Variants in ASIC2 observed in about 807,000 individuals in gnomAD.
The protein encoded by ASIC2 is acid sensing ion channel subunit 2.
Under a neutral mutation model 57.3 loss-of-function variants are expected in ASIC2, and 25 were observed. The observed-to-expected ratio is 0.44, with a 90% confidence interval of 0.32 to 0.61. The LOEUF is 0.61. ASIC2 is among the 20% of genes least tolerant of loss of function. The pLI, the probability that ASIC2 is intolerant of heterozygous loss-of-function variation, is 0.06. For synonymous variants in ASIC2, 319 were observed against 307.5 expected, an observed-to-expected ratio of 1.04 and a Z score of -0.39; for missense variants, 641 against 738.1, an observed-to-expected ratio of 0.87 and a Z score of 1.52.
chr17:33,626,294 T>G (rs565753078), intron 1 of ASIC2, among the ~76,000 whole-genome samples: 20 of 152,250 alleles, frequency 1.3e-4, no homozygotes, highest in Non-Finnish European at 1.2e-4. Flanking sequence ...CCTTTTTCCT[T>G]TAAGCCATGG....
At chr17:33,883,513 G>A (rs1305834545) in intron 1 of ASIC2, among the ~76,000 whole-genome samples, 1 of 152,166 alleles carries the variant, frequency 6.6e-6, no homozygotes, top group East Asian at 1.9e-4. Context: ...CCTTTCCACA[G>A]GCTGCCCCTA....
At chr17:33,922,167 G>T (rs1264360648) in intron 1 of ASIC2, among the ~76,000 whole-genome samples, 1 of 152,112 alleles carries the variant, frequency 6.6e-6, no homozygotes, top group African/African-American at 2.4e-5. Flanking sequence ...ATTATGACTT[G>T]GTGATTAAGA....
chr17:33,584,693 G>C (rs896664157), intron 1 of ASIC2, among the ~76,000 whole-genome samples: 27 of 39,802 alleles, frequency 6.8e-4, no homozygotes, highest in African/African-American at 3.9e-3. Flanking sequence ...TCAGATCTTG[G>C]GGTGGGGTTT....
At chr17:34,040,338 C>T (rs1291706270) in intron 1 of ASIC2, among the ~76,000 whole-genome samples, 2 of 143,868 alleles carry the variant, frequency 1.4e-5, no homozygotes, top group Admixed American at 7.0e-5. Context: ...TAGTAGTGAT[C>T]GGTGTAAACA....
rs538388421 is a variant in ASIC2 at position 33,644,299 on chromosome 17, G to A, written c.555+511679C>T. 3.9e-5 allele frequency among the ~76,000 whole-genome samples: 6 copies of A among 152,186 alleles called. No homozygotes were observed. In the East Asian group the frequency reaches 9.7e-4, roughly 24 times the overall value. ...GTGTCCTCCCTCATTGATTATGATGGGCTGTTGACTATTTGAACCTGGTAC... is the reference window on the plus strand; with the variant it reads ...GTGTCCTCCCTCATTGATTATGATGAGCTGTTGACTATTTGAACCTGGTAC... On this transcript the variant is annotated intron_variant, in intron 1 of 9. Coordinates refer to the ASIC2 transcript ENST00000359872.
chr17:34,098,316 CTT>C (rs1336004634), intron 1 of ASIC2, among the ~76,000 whole-genome samples: 2 of 152,156 alleles, frequency 1.3e-5, no homozygotes, highest in Non-Finnish European at 2.9e-5. Flanking sequence ...AAAAAGGAAA[CTT>C]GATGACATCA....
intron 1 of ASIC2, among the ~76,000 whole-genome samples, chr17:33,653,280 G>C (rs941557713): frequency 6.6e-6 from 1 of 152,132 alleles, no homozygotes; most frequent in Admixed American, 6.5e-5. Context: ...AATCAGTGAG[G>C]CCTCCCTAAC....
intron 1 of ASIC2, among the ~76,000 whole-genome samples, chr17:33,163,125 C>T (rs181146144): frequency 5.1e-4 from 78 of 152,194 alleles, no homozygotes; most frequent in Middle Eastern, 3.4e-3. Flanking sequence ...AAGGGGACCA[C>T]TGGATAGACT....
At chr17:33,117,391 G>A (rs963293480) in intron 1 of ASIC2, among the ~76,000 whole-genome samples, 3 of 151,976 alleles carry the variant, frequency 2.0e-5, no homozygotes, top group African/African-American at 7.3e-5. Flanking sequence ...GGCCAGGCTG[G>A]TCTCAAACTC....
Position 33,241,224 on chromosome 17 carries a change from T to C in ASIC2, c.708+50184A>G, listed in dbSNP as rs563401960. ...GTTTTATGAATGGGTTAACTGAGTATTGGGTACTTTATTAAGACTTACAGG... is the reference window on the plus strand; with the variant it reads ...GTTTTATGAATGGGTTAACTGAGTACTGGGTACTTTATTAAGACTTACAGG... On this transcript the variant is annotated intron_variant, in intron 1 of 9. Transcript: ENST00000225823. Among the ~76,000 whole-genome samples the C allele has an allele frequency of 2.6e-5, 4 of 152,314 alleles. No individual in the cohort carries two copies. The South Asian group carries it at 8.3e-4, about 32-fold the overall frequency.
chr17:34,083,486 T>C (rs1477358930), intron 1 of ASIC2, among the ~76,000 whole-genome samples: 1 of 151,786 alleles, frequency 6.6e-6, no homozygotes, highest in East Asian at 1.9e-4. Flanking sequence ...TAAACATACG[T>C]GTGCATGTGT....
At chr17:34,035,974 A>G (rs11658853) in intron 1 of ASIC2, among the ~76,000 whole-genome samples, 18,276 of 149,414 alleles carry the variant, frequency 0.12, 1,214 homozygotes, top group Admixed American at 0.18. Flanking sequence ...AGTCAGTGTC[A>G]CGATTCCTCA....
chr17:33,707,702 T>G (rs1429261200), intron 1 of ASIC2, among the ~76,000 whole-genome samples: 1 of 152,240 alleles, frequency 6.6e-6, no homozygotes, highest in Non-Finnish European at 1.5e-5. Flanking sequence ...TTTACTCTGT[T>G]TATCTGCCTT....
chr17:33,281,550 T>G (rs1186203120), intron 1 of ASIC2, among the ~76,000 whole-genome samples: 1 of 152,148 alleles, frequency 6.6e-6, no homozygotes, highest in African/African-American at 2.4e-5. Context: ...TTTTAAGTTT[T>G]GAAACAGCCC....
chr17:34,020,560 T>C (rs1369773336), intron 1 of ASIC2, among the ~76,000 whole-genome samples: 1 of 152,200 alleles, frequency 6.6e-6, no homozygotes, highest in Non-Finnish European at 1.5e-5. Flanking sequence ...GTTAGAGAGA[T>C]TTGAGTGATA....
intron 1 of ASIC2, among the ~76,000 whole-genome samples, chr17:33,248,935 G>A (rs762343895): frequency 2.6e-5 from 4 of 152,124 alleles, no homozygotes; most frequent in Non-Finnish European, 5.9e-5. Context: ...GGTATTTTTG[G>A]GGTCCATGAC....
intron 1 of ASIC2, among the ~76,000 whole-genome samples, chr17:33,401,541 C>A (rs1210567073): frequency 6.6e-6 from 1 of 152,188 alleles, no homozygotes; most frequent in African/African-American, 2.4e-5. Flanking sequence ...TGATGGAATA[C>A]AACCTCAGCT....
chr17:33,661,624 C>T (rs1907270772), intron 1 of ASIC2, among the ~76,000 whole-genome samples: 1 of 152,170 alleles, frequency 6.6e-6, no homozygotes, highest in Non-Finnish European at 1.5e-5. Flanking sequence ...GGAAATGATA[C>T]CTGAGCTTTG....
chr17:33,470,963 A>G (rs1913031922), intron 1 of ASIC2, among the ~76,000 whole-genome samples: 1 of 141,492 alleles, frequency 7.1e-6, no homozygotes. Flanking sequence ...TCAGGAATGT[A>G]TTCTGGATCT....
Sources: allele counts gnomAD v4.1 joint callset (sites outside exome capture counted in the v4.1 genomes callset), GRCh38; gene constraint gnomAD v4.1.1; transcripts MANE v1.5; gene names NCBI Gene and HGNC (gene_info 2026-07-23, HGNC 2026-07-21).